The following ZNF462 variants were observed in gnomAD, a reference collection of about 807,000 sequenced individuals.
ZNF462 encodes the protein zinc finger PBX1-interacting protein.
In ZNF462, 10 loss-of-function variants were observed where a neutral mutation model predicts 201.9. The ratio of observed to expected loss-of-function variants is 0.05; its 90% CI spans 0.03 to 0.08. ZNF462 has a LOEUF of 0.08. ZNF462 is among the 10% of genes least tolerant of loss of function. The probability of loss-of-function intolerance (pLI) is 1.00; values close to 1 mark genes in which losing one functional copy is unlikely to be tolerated. For missense variants in ZNF462, 2,523 were observed against 3,168.3 expected (o/e 0.80, Z 4.89); for synonymous variants, 1,227 against 1,193.3 (o/e 1.03, Z -0.58).
At chr9:106,896,943 T>G (rs1018837633) in intron 1 of ZNF462, among the ~76,000 whole-genome samples, 2 of 152,182 alleles carry the variant, frequency 1.3e-5, no homozygotes, top group Non-Finnish European at 2.9e-5. Context: ...CACCCACACA[T>G]TCCCTAAAAT....
intron 11 of ZNF462, among the ~76,000 whole-genome samples, chr9:107,004,950 G>C (rs1270278863): frequency 6.6e-6 from 1 of 152,024 alleles, no homozygotes; most frequent in Non-Finnish European, 1.5e-5. Flanking sequence ...ACATAAGTGA[G>C]ATCATGCAGT....
At chr9:106,868,100 A>G (rs1827426512) in intron 1 of ZNF462, among the ~76,000 whole-genome samples, 1 of 151,050 alleles carries the variant, frequency 6.6e-6, no homozygotes, top group African/African-American at 2.4e-5. Flanking sequence ...CAGTGTGTGT[A>G]AAAGCAAGTA....
In ZNF462 at chr9:106,925,213, G is replaced by C. The variant is rs868641925; in HGVS notation, c.1301G>C (p.Arg434Thr). The C allele has an allele frequency of 6.2e-7, 1 of 1,614,066 alleles. No individual in the cohort carries two copies. Among genetic ancestry groups the C allele is most frequent in the Non-Finnish European group, 8.5e-7 (1 of 1,180,048 alleles). ...GAGACCAAGGGGATTCCATTTAGAAGATTCATGAATAGGTTCCAGTGCCCC... is the reference window on the plus strand; with the variant it reads ...GAGACCAAGGGGATTCCATTTAGAACATTCATGAATAGGTTCCAGTGCCCC... The part of the protein sequence containing the change: ...LLETKGIPFR[R>T]FMNRFQCPFC... Residue 434 changes from arginine to threonine, a missense_variant, in exon 3 of 13, where the codon AGA (arginine) becomes ACA (threonine). Coordinates refer to ENST00000277225, the MANE Select transcript of ZNF462 (RefSeq NM_021224.6). The surrounding 1 kb of genome is among the most constrained non-coding windows in gnomAD (Gnocchi z 7.9).
At chr9:106,980,522 G>A (rs563465465) in intron 9 of ZNF462, among the ~76,000 whole-genome samples, 8 of 152,288 alleles carry the variant, frequency 5.3e-5, no homozygotes, top group African/African-American at 1.7e-4. Flanking sequence ...GCCAATTTGA[G>A]CAGAAGTGAA....
In ZNF462 at chr9:106,895,275, A is replaced by G. The variant is rs1217693963; in HGVS notation, c.-30-28079A>G. Reference sequence around the variant, plus strand: ...ACCACAGCTCATTAGTTAACTCTGGATGGGTCAGAAAGTGGTGACCTGGTT... The same window carrying G: ...ACCACAGCTCATTAGTTAACTCTGGGTGGGTCAGAAAGTGGTGACCTGGTT... On this transcript the variant is annotated intron_variant, in intron 1 of 12. Coordinates refer to ENST00000277225, the MANE Select transcript of ZNF462 (RefSeq NM_021224.6). This position sits in a 1 kb window ranked among gnomAD's most constrained non-coding sequence, Gnocchi z 4.4. 6.6e-6 allele frequency among the ~76,000 whole-genome samples: 1 copy of G among 152,176 alleles called. No homozygotes were observed. Among genetic ancestry groups the G allele is most frequent in the African/African-American group, 2.4e-5 (1 of 41,438 alleles).
intron 1 of ZNF462, among the ~76,000 whole-genome samples, chr9:106,914,101 A>G (rs916772456): frequency 2.0e-5 from 3 of 149,242 alleles, no homozygotes; most frequent in Non-Finnish European, 4.5e-5. Flanking sequence ...ACTCATCATG[A>G]TATCATATAG....
chr9:106,929,804 C>T lies in ZNF462; in HGVS notation c.5847+45C>T. The T allele has an allele frequency of 1.3e-6, 2 of 1,524,604 alleles. No homozygotes were observed. Among genetic ancestry groups the T allele is most frequent in the Non-Finnish European group, 1.8e-6 (2 of 1,122,712 alleles). 94.4% of individuals were successfully genotyped at this position (1,524,604 alleles called of 1,614,324 possible). A position where few individuals can be genotyped will look rare whatever the true frequency, so the allele number is the denominator to read the frequency against. ...TCCCTTCCCCCAGGAGGCCTCTCAT[C>T]ACTGGTGCCCACATGCACTTCTTCG... is the stretch of plus-strand genomic sequence containing the variant. On this transcript the variant is annotated intron_variant, in intron 3 of 12. Transcript: ENST00000277225. The surrounding 1 kb of genome is among the most constrained non-coding windows in gnomAD (Gnocchi z 8.7).
chr9:106,931,365 G>A (rs561867622), intron 4 of ZNF462, among the ~76,000 whole-genome samples: 2 of 152,230 alleles, frequency 1.3e-5, no homozygotes, highest in East Asian at 1.9e-4. Context: ...CCGTCTTCCA[G>A]GATATTGCTA....
chr9:106,860,684 CAA>C (rs756213542), upstream of ZNF462, among the ~76,000 whole-genome samples: 3 of 152,306 alleles, frequency 2.0e-5, no homozygotes, highest in East Asian at 1.9e-4. The surrounding 1 kb of genome is among the most constrained non-coding windows in gnomAD (Gnocchi z 7.1). Flanking sequence ...TTATTAAAGA[CAA>C]AGAGGTAAAT....
At position 106,905,678 on chromosome 9, in the gene ZNF462, C is replaced by T. The variant is rs554335608; in HGVS notation, c.-30-17676C>T. ...AGGATTATGGCTGCCTCTGCTGAGT[C>T]GTACAGGTTGTCAGGGAAGTGGGGG... On this transcript the variant is annotated intron_variant, in intron 1 of 12. Transcript: ENST00000277225. The surrounding 1 kb of genome is among the most constrained non-coding windows in gnomAD (Gnocchi z 5.9). Among the ~76,000 whole-genome samples the T allele has an allele frequency of 1.2e-4, 19 of 152,092 alleles. 1 individual carries two copies. Among genetic ancestry groups the T allele is most frequent in the African/African-American group, 2.9e-4 (12 of 41,500 alleles).
At chr9:106,863,465 G>A in intron 1 of ZNF462, 110 bp downstream of exon 1, 1 of 351,748 alleles carries the variant, frequency 2.8e-6, no homozygotes, top group Non-Finnish European at 5.1e-6. Flanking sequence ...AAGGAGGGTT[G>A]GAGGAGCGGG....
At chr9:106,910,570 T>C (rs1236098067) in intron 1 of ZNF462, among the ~76,000 whole-genome samples, 1 of 152,096 alleles carries the variant, frequency 6.6e-6, no homozygotes, top group Non-Finnish European at 1.5e-5. Context: ...GGGTTCTGGC[T>C]AGGTTCCTGG....
intron 1 of ZNF462, among the ~76,000 whole-genome samples, chr9:106,892,570 G>A (rs1828626148): frequency 6.6e-6 from 1 of 151,904 alleles, no homozygotes; most frequent in African/African-American, 2.4e-5. Flanking sequence ...CAAACTCCAA[G>A]GCAGTGGAAA....
At position 106,938,642 on chromosome 9, in the gene ZNF462, A is replaced by C. The variant is rs370775138; in HGVS notation, c.6236-274A>C. 6.6e-6 allele frequency among the ~76,000 whole-genome samples: 1 copy of C among 152,148 alleles called. No homozygotes were observed. The highest frequency in any genetic ancestry group is 2.4e-5 in the African/African-American group (1 of 41,430). ...CATGGGCAGTTGGGTTTGACTTCCT[A>C]TTGGGGAATTAATTCATAGCTTCAC... On this transcript the variant is annotated intron_variant, in intron 6 of 12. Coordinates refer to ENST00000277225, the MANE Select transcript of ZNF462 (RefSeq NM_021224.6). This position sits in a 1 kb window ranked among gnomAD's most constrained non-coding sequence, Gnocchi z 4.4.
At chr9:106,866,009 A>G (rs1827315070) in intron 1 of ZNF462, among the ~76,000 whole-genome samples, 1 of 152,194 alleles carries the variant, frequency 6.6e-6, no homozygotes, top group African/African-American at 2.4e-5. Context: ...AGGATGAGGG[A>G]AGATGTTGGA....
At chr9:107,007,021 ACT>A (rs1170829725) in intron 11 of ZNF462, among the ~76,000 whole-genome samples, 1 of 152,028 alleles carries the variant, frequency 6.6e-6, no homozygotes, top group Non-Finnish European at 1.5e-5. Flanking sequence ...ACATCTCTGC[ACT>A]GTTACCGGAG....
chr9:107,002,859 G>A (rs537387758), intron 10 of ZNF462, among the ~76,000 whole-genome samples: 87 of 152,328 alleles, frequency 5.7e-4, no homozygotes, highest in Middle Eastern at 3.4e-3. Flanking sequence ...AGGTTGTATT[G>A]TGTCTCACTG....
chr9:106,878,364 T>C (rs1380472204), intron 1 of ZNF462, among the ~76,000 whole-genome samples: 1 of 152,242 alleles, frequency 6.6e-6, no homozygotes, highest in Non-Finnish European at 1.5e-5. Flanking sequence ...GATGGCATGC[T>C]CTTGCCATTC....
rs1406682674 is a variant in ZNF462 at position 107,003,817 on chromosome 9, CT to C, written c.7189+392del. ...GTTGAATGCATATTTAAAATTGCTG[CT>C]GGGGCACACACTGCTGGAACTGTAG... On this transcript the variant is annotated intron_variant, in intron 11 of 12. Coordinates refer to ENST00000277225, the MANE Select transcript of ZNF462 (RefSeq NM_021224.6). This position sits in a 1 kb window ranked among gnomAD's most constrained non-coding sequence, Gnocchi z 4.4. Among the ~76,000 whole-genome samples the C allele has an allele frequency of 1.3e-5, 2 of 152,030 alleles. No homozygotes were observed. The highest frequency in any genetic ancestry group is 2.9e-5 in the Non-Finnish European group (2 of 68,006).
Sources: allele counts gnomAD v4.1 joint callset (sites outside exome capture counted in the v4.1 genomes callset), GRCh38; gene constraint gnomAD v4.1.1; non-coding constraint Gnocchi (gnomAD v3.1); transcripts MANE v1.5; gene names NCBI Gene and HGNC (gene_info 2026-07-23, HGNC 2026-07-21).